The following FGD4 variants were observed in gnomAD, a reference collection of about 807,000 sequenced individuals.
FGD4 encodes the protein FYVE, RhoGEF and PH domain containing 4.
FGD4 carries 42 observed loss-of-function variants against 102.0 expected under a neutral mutation model. The observed-to-expected ratio is 0.41, with a 90% CI of 0.32 to 0.53. The LOEUF is 0.53. Ranked by LOEUF, FGD4 falls within the 20% of genes least tolerant of loss-of-function variation. FGD4 has a pLI of 0.21. For synonymous variants in FGD4, 380 were observed against 375.7 expected (o/e 1.01, Z -0.13); for missense variants, 902 against 1,078.2 (o/e 0.84, Z 2.29).
intron 1 of FGD4, among the ~76,000 whole-genome samples, chr12:32,403,692 G>C (rs1940790585): frequency 6.8e-6 from 1 of 146,248 alleles, no homozygotes; most frequent in African/African-American, 2.6e-5. Flanking sequence ...CGCCATCTGG[G>C]CTGAAGTGAT....
chr12:32,443,292 A>G (rs188803115), intron 1 of FGD4, among the ~76,000 whole-genome samples: 1 of 152,344 alleles, frequency 6.6e-6, no homozygotes, highest in African/African-American at 2.4e-5. Flanking sequence ...TGAGAAGATT[A>G]CTTCAGCCCA....
chr12:32,471,300 C>A (rs1233891942), intron 1 of FGD4, among the ~76,000 whole-genome samples: 1 of 152,180 alleles, frequency 6.6e-6, no homozygotes, highest in Non-Finnish European at 1.5e-5. Flanking sequence ...CCTCCATAAT[C>A]ACATGAGCCA....
intron 1 of FGD4, among the ~76,000 whole-genome samples, chr12:32,520,912 C>T (rs771545569): frequency 6.6e-6 from 1 of 152,160 alleles, no homozygotes; most frequent in Admixed American, 6.5e-5. Flanking sequence ...TTACCCTCCG[C>T]TCTGTACCTC....
intron 14 of FGD4, among the ~76,000 whole-genome samples, chr12:32,626,820 G>A (rs1262522631): frequency 6.6e-6 from 1 of 151,960 alleles, no homozygotes; most frequent in Admixed American, 6.6e-5. Context: ...GAGTTTAGGT[G>A]CAATATCTAT....
At chr12:32,563,814 C>G (rs1944927230) in intron 1 of FGD4, among the ~76,000 whole-genome samples, 1 of 152,176 alleles carries the variant, frequency 6.6e-6, no homozygotes, top group Non-Finnish European at 1.5e-5. Context: ...GCCCAGCCAA[C>G]CCAGCGAAAC....
chr12:32,402,570 T>C (rs1940730907), intron 1 of FGD4, among the ~76,000 whole-genome samples: 1 of 151,502 alleles, frequency 6.6e-6, no homozygotes, highest in Non-Finnish European at 1.5e-5. Context: ...TGCCTCAGTC[T>C]CTTAAGTAGA....
chr12:32,485,715 A>AT, intron 1 of FGD4: 4 of 378,448 alleles, frequency 1.1e-5, no homozygotes, highest in Non-Finnish European at 1.5e-5. Flanking sequence ...GAGTGCTGGG[A>AT]TTACAAGTGT....
chr12:32,550,144 C>T (rs1943536442), intron 1 of FGD4, among the ~76,000 whole-genome samples: 1 of 152,116 alleles, frequency 6.6e-6, no homozygotes, highest in East Asian at 1.9e-4. Flanking sequence ...TCTTATTTGT[C>T]TCTCTGTCTC....
intron 8 of FGD4, among the ~76,000 whole-genome samples, chr12:32,608,900 A>G (rs1379735413): frequency 1.3e-5 from 2 of 151,996 alleles, no homozygotes; most frequent in Non-Finnish European, 2.9e-5. Context: ...TTCTTTTTAA[A>G]TTATTATTGT....
At chr12:32,560,361 C>T (rs10844244) in intron 1 of FGD4, among the ~76,000 whole-genome samples, 31,996 of 152,034 alleles carry the variant, frequency 0.21, 3,640 homozygotes, top group Middle Eastern at 0.33. Context: ...AAGCCATCCT[C>T]GCACCTCGGC....
chr12:32,448,220 G>A (rs1942676094), intron 1 of FGD4, among the ~76,000 whole-genome samples: 1 of 152,158 alleles, frequency 6.6e-6, no homozygotes, highest in South Asian at 2.1e-4. Flanking sequence ...GAGGGAAAAT[G>A]ACTGGAAGCA....
At chr12:32,554,591 A>G (rs1031636427) in intron 1 of FGD4, among the ~76,000 whole-genome samples, 1 of 152,220 alleles carries the variant, frequency 6.6e-6, no homozygotes, top group Non-Finnish European at 1.5e-5. Flanking sequence ...ACAATAAACA[A>G]TAAAAAAAGT....
intron 1 of FGD4, among the ~76,000 whole-genome samples, chr12:32,407,956 A>G (rs11051989): frequency 0.19 from 28,997 of 151,312 alleles, 3,173 homozygotes; most frequent in East Asian, 0.29. Flanking sequence ...CTCACCCCCA[A>G]TGAGGTAATC....
intron 1 of FGD4, among the ~76,000 whole-genome samples, chr12:32,444,151 G>A (rs1401252652): frequency 6.6e-6 from 1 of 150,444 alleles, no homozygotes; most frequent in Non-Finnish European, 1.5e-5. Flanking sequence ...AGCCTCCCAA[G>A]AAGCTGGAAC....
chr12:32,532,945 T>C (rs1326304818), intron 1 of FGD4, among the ~76,000 whole-genome samples: 1 of 152,232 alleles, frequency 6.6e-6, no homozygotes, highest in African/African-American at 2.4e-5. Flanking sequence ...TTCATTAGAA[T>C]GATTGACAAC....
chr12:32,418,281 G>T (rs1003919534), intron 1 of FGD4, among the ~76,000 whole-genome samples: 1 of 152,076 alleles, frequency 6.6e-6, no homozygotes, highest in Non-Finnish European at 1.5e-5. Context: ...TTTGGGCGAG[G>T]TCATGTTTTC....
At chr12:32,519,936 G>A (rs1592085458) in intron 1 of FGD4, among the ~76,000 whole-genome samples, 1 of 152,076 alleles carries the variant, frequency 6.6e-6, no homozygotes, top group African/African-American at 2.4e-5. Flanking sequence ...GACAGAGCAA[G>A]ACTCCATCTC....
In FGD4 at chr12:32,633,599, T is replaced by C. The variant is rs760509457; in HGVS notation, c.2223T>C (p.Gly741=). 1 of 1,613,926 alleles carries C rather than the reference T, an allele frequency of 6.2e-7. No homozygotes were observed. Among genetic ancestry groups the C allele is most frequent in the Non-Finnish European group, 8.5e-7 (1 of 1,179,874 alleles). The stretch of plus-strand genomic sequence containing the variant: ...ACAAAGCTCAACTTGAATATGATGG[T>C]GGTAAATTGAGCAAAGTTTGTAAAG... ...SDYKAQLEYD[G]GKLSKVCKDC... is the part of the protein sequence containing the mutation. Residue 741 remains glycine (G), a synonymous_variant, in exon 15 of 17, where the codon GGT becomes GGC. Coordinates refer to ENST00000534526, the MANE Select transcript of FGD4 (RefSeq NM_001370298.3).
At chr12:32,491,624 G>A (rs1281331520) in intron 1 of FGD4, among the ~76,000 whole-genome samples, 4 of 152,046 alleles carry the variant, frequency 2.6e-5, no homozygotes, top group African/African-American at 7.3e-5. Context: ...TCTTATGTTT[G>A]TGAAACTGTA....
Sources: gnomAD v4.1 joint callset for allele counts (sites outside exome capture counted in the v4.1 genomes callset) on GRCh38, gnomAD v4.1.1 for gene constraint, MANE v1.5 for transcripts, NCBI Gene and HGNC (gene_info 2026-07-23, HGNC 2026-07-21) for gene names.